KCNAB1: variants seen among roughly 807,000 people sequenced by gnomAD.
KCNAB1 encodes potassium voltage-gated channel subfamily A regulatory beta subunit 1.
A neutral mutation model predicts 64.6 loss-of-function variants in KCNAB1; 35 were observed. That is an observed-to-expected ratio of 0.54 (90% confidence interval 0.41 to 0.72). KCNAB1 has a LOEUF of 0.72. KCNAB1 is among the 30% of genes least tolerant of loss of function. The probability of loss-of-function intolerance (pLI) is 0.00; values close to 1 mark genes in which losing one functional copy is unlikely to be tolerated. For synonymous variants in KCNAB1, 177 were observed against 183.8 expected, an observed-to-expected ratio of 0.96 and a Z score of 0.30; for missense variants, 401 against 512.9, an observed-to-expected ratio of 0.78 and a Z score of 2.11.
chr3:156,436,794 A>T (rs1716612315), intron 2 of KCNAB1, among the ~76,000 whole-genome samples: 1 of 152,074 alleles, frequency 6.6e-6, no homozygotes, highest in South Asian at 2.1e-4. Context: ...ATTTGTTTAA[A>T]TTGCTTGTAG....
At chr3:156,477,055 T>C (rs959727319) in intron 8 of KCNAB1, among the ~76,000 whole-genome samples, 2 of 152,120 alleles carry the variant, frequency 1.3e-5, no homozygotes, top group Admixed American at 6.6e-5. Flanking sequence ...GAAAACATAA[T>C]TTGCATTATA....
intron 1 of KCNAB1, among the ~76,000 whole-genome samples, chr3:156,125,638 T>C (rs1234322107): frequency 6.6e-6 from 1 of 152,232 alleles, no homozygotes; most frequent in East Asian, 1.9e-4. Context: ...TCTTATTATC[T>C]AGGACAGTAG....
At chr3:156,279,434 C>T (rs527560773) in intron 1 of KCNAB1, among the ~76,000 whole-genome samples, 47 of 152,242 alleles carry the variant, frequency 3.1e-4, no homozygotes, top group African/African-American at 1.1e-3. Context: ...CATACGGGTG[C>T]ATGTGTCTTT....
Position 156,513,686 on chromosome 3 carries a change from G to C in KCNAB1, c.659-678G>C, listed in dbSNP as rs558233061. ...GAAATGTGATGTCGAGCTCCATGAG[G>C]CTGATGAGCACGCTGGGTGGGACCA... On this transcript the variant is annotated intron_variant, in intron 8 of 13. Transcript: ENST00000490337. 3.3e-5 allele frequency among the ~76,000 whole-genome samples: 5 copies of C among 152,304 alleles called. No individual in the cohort carries two copies. The South Asian group carries it at 1.0e-3, about 32-fold the overall frequency.
At position 156,421,693 on chromosome 3, in the gene KCNAB1, G is replaced by A. The variant is rs773809160; in HGVS notation, c.319+34G>A. 1.2e-5 allele frequency: 20 copies of A among 1,605,242 alleles called. No homozygotes were observed. The South Asian group carries it at 2.0e-4, about 16-fold the overall frequency. On this transcript the variant is annotated intron_variant, in intron 2 of 13. Transcript: ENST00000490337. The stretch of plus-strand genomic sequence containing the variant: ...TGAGGGTGTGACCTGGGGGTGGGCT[G>A]GAAGGTGGGAGACTGGGGAGGGCAC...
intron 3 of KCNAB1, among the ~76,000 whole-genome samples, chr3:156,455,522 C>A (rs767046522): frequency 6.6e-6 from 1 of 152,094 alleles, no homozygotes; most frequent in Non-Finnish European, 1.5e-5. Flanking sequence ...ATGATGAGAG[C>A]ATATTAACAT....
intron 1 of KCNAB1, among the ~76,000 whole-genome samples, chr3:156,395,738 G>C (rs73019918): frequency 0.026 from 4,010 of 152,010 alleles, 174 homozygotes; most frequent in African/African-American, 0.09. Flanking sequence ...AAAGCAGAAT[G>C]CTTCATTCTG....
intron 1 of KCNAB1, among the ~76,000 whole-genome samples, chr3:156,201,875 G>A (rs1185585297): frequency 6.6e-6 from 1 of 152,172 alleles, no homozygotes; most frequent in East Asian, 1.9e-4. Context: ...GGAGCATTCT[G>A]CTGGTCAGGT....
intron 1 of KCNAB1, among the ~76,000 whole-genome samples, chr3:156,140,400 A>G (rs1366562673): frequency 6.6e-6 from 1 of 152,174 alleles, no homozygotes; most frequent in Non-Finnish European, 1.5e-5. Flanking sequence ...GGGTGCCAGC[A>G]GGGTCAGGTT....
intron 2 of KCNAB1, chr3:156,441,010 A>G (rs916886035): frequency 3.6e-4 from 55 of 152,180 alleles, no homozygotes; most frequent in African/African-American, 1.2e-3. Context: ...TTCCTCTTTG[A>G]GTTTTTATTA....
chr3:156,193,943 C>T (rs1713725026), intron 1 of KCNAB1, among the ~76,000 whole-genome samples: 1 of 152,062 alleles, frequency 6.6e-6, no homozygotes, highest in South Asian at 2.1e-4. Flanking sequence ...GAAAAGCATT[C>T]ATATATCTTT....
At chr3:156,195,971 T>A (rs1713896580) in intron 1 of KCNAB1, among the ~76,000 whole-genome samples, 1 of 152,224 alleles carries the variant, frequency 6.6e-6, no homozygotes, top group African/African-American at 2.4e-5. Flanking sequence ...GTATAAAGTG[T>A]AAGAAAGGAG....
chr3:156,309,063 C>T (rs1027174234), intron 1 of KCNAB1, among the ~76,000 whole-genome samples: 2 of 152,100 alleles, frequency 1.3e-5, no homozygotes, highest in Non-Finnish European at 2.9e-5. Flanking sequence ...AATCTTCCCT[C>T]CAGTTTCAAA....
At chr3:156,147,975 A>ACG (rs1191800312) in intron 1 of KCNAB1, among the ~76,000 whole-genome samples, 16 of 149,786 alleles carry the variant, frequency 1.1e-4, no homozygotes, top group African/African-American at 3.8e-4. Flanking sequence ...GCACACGCAC[A>ACG]CACAAACACA....
chr3:156,399,854 GA>G (rs1287501909), intron 1 of KCNAB1, among the ~76,000 whole-genome samples: 1 of 152,184 alleles, frequency 6.6e-6, no homozygotes, highest in Non-Finnish European at 1.5e-5. Context: ...ATCCACTTCA[GA>G]AGCAGTATAA....
intron 1 of KCNAB1, among the ~76,000 whole-genome samples, chr3:156,421,362 A>C (rs1423034101): frequency 6.6e-6 from 1 of 152,228 alleles, no homozygotes; most frequent in Non-Finnish European, 1.5e-5. Flanking sequence ...TTAATAAAGA[A>C]GACAATATGA....
intron 1 of KCNAB1, among the ~76,000 whole-genome samples, chr3:156,277,179 G>A (rs527461670): frequency 8.9e-4 from 136 of 152,148 alleles, no homozygotes; most frequent in Non-Finnish European, 1.7e-3. Context: ...AGAGCACTGA[G>A]AACACACACA....
rs1442873585 is a variant in KCNAB1, at chr3:156,514,290, C to G, written c.659-74C>G. The G allele has an allele frequency of 2.8e-5, 31 of 1,102,872 alleles. No individual in the cohort carries two copies. In the African/African-American group the frequency reaches 4.6e-4, roughly 16 times the overall value. The allele number at this position is 1,102,872 out of a possible 1,614,324, so 68.3% of individuals were successfully genotyped here. ...ATTGCATTAAGCTTCTAAGCTTTGG[C>G]TAGAGGAGTAAAAATCGCATAACTT... On this transcript the variant is annotated intron_variant, in intron 8 of 13. Coordinates refer to ENST00000490337, the MANE Select transcript of KCNAB1 (RefSeq NM_172160.3).
chr3:156,169,739 G>T (rs4076087), intron 1 of KCNAB1, among the ~76,000 whole-genome samples: 95,286 of 152,062 alleles, frequency 0.63, 30,398 homozygotes, highest in East Asian at 0.93. Context: ...CCCCACTTGC[G>T]CTCTTTCTCT....
Sources: gnomAD v4.1 joint callset for allele counts (sites outside exome capture counted in the v4.1 genomes callset) on GRCh38, gnomAD v4.1.1 for gene constraint, MANE v1.5 for transcripts, NCBI Gene and HGNC (gene_info 2026-07-23, HGNC 2026-07-21) for gene names.